The following PTPRN2 variants were observed in gnomAD, a reference collection of about 807,000 sequenced individuals.
The protein encoded by PTPRN2 is protein tyrosine phosphatase receptor type N2, also known as receptor-type tyrosine-protein phosphatase N2.
Under a neutral mutation model 118.8 loss-of-function variants are expected in PTPRN2, and 74 were observed. The ratio of observed to expected loss-of-function variants is 0.62; its 90% CI spans 0.52 to 0.76. The LOEUF (loss-of-function observed/expected upper bound fraction) is 0.76. Among genes scored for constraint, PTPRN2 ranks in the 30% least tolerant of loss-of-function variants. PTPRN2 has a pLI of 0.00. For synonymous variants in PTPRN2, 641 were observed against 608.0 expected (o/e 1.05, Z -0.80); for missense variants, 1,481 against 1,394.4 (o/e 1.06, Z -0.99).
At position 158,546,504 on chromosome 7, in the gene PTPRN2, G is replaced by A. The variant is rs1290601643; in HGVS notation, c.112+41054C>T. Among the ~76,000 whole-genome samples the A allele has an allele frequency of 6.6e-6, 1 of 152,346 alleles. No individual in the cohort carries two copies. On this transcript the variant is annotated intron_variant, in intron 1 of 22. Transcript: ENST00000389418. This position sits in a 1 kb window ranked among gnomAD's most constrained non-coding sequence, Gnocchi z 5.0. ...GTGTCCCAGGCGCCATGATGTCTAA[G>A]TGACTATAGGGCCATGAAGAAGGGG...
intron 3 of PTPRN2, among the ~76,000 whole-genome samples, chr7:158,231,566 T>C (rs1482656733): frequency 2.0e-5 from 3 of 152,134 alleles, no homozygotes; most frequent in Non-Finnish European, 2.9e-5. Flanking sequence ...GACAGATCAT[T>C]CAGGCAAGAA....
chr7:157,800,412 C>T (rs35428978), intron 12 of PTPRN2, among the ~76,000 whole-genome samples: 19,689 of 152,238 alleles, frequency 0.13, 1,377 homozygotes, highest in Admixed American at 0.15. Context: ...CGTGCTTCCC[C>T]GCTGCGCTCC....
At chr7:157,772,132 G>A (rs1320069304) in intron 12 of PTPRN2, among the ~76,000 whole-genome samples, 1 of 135,564 alleles carries the variant, frequency 7.4e-6, no homozygotes, top group African/African-American at 2.9e-5. Context: ...CACATACACA[G>A]ACAGACACAC....
intron 3 of PTPRN2, among the ~76,000 whole-genome samples, chr7:158,234,969 G>A (rs1424533552): frequency 6.6e-6 from 1 of 152,080 alleles, no homozygotes; most frequent in Non-Finnish European, 1.5e-5. Context: ...TCACCATGTT[G>A]GCCAGGCTGG....
intron 11 of PTPRN2, among the ~76,000 whole-genome samples, chr7:157,905,285 GA>G (rs1340573364): frequency 6.6e-6 from 1 of 152,184 alleles, no homozygotes; most frequent in African/African-American, 2.4e-5. Context: ...AGGAAAAGAA[GA>G]AAAAGCCTGC....
chr7:158,324,595 G>A (rs1803332557), intron 2 of PTPRN2, among the ~76,000 whole-genome samples: 1 of 151,724 alleles, frequency 6.6e-6, no homozygotes, highest in Non-Finnish European at 1.5e-5. Context: ...CTGTCTCTCT[G>A]CTTGGGCTCA....
chr7:158,141,246 A>G (rs1326722974), intron 6 of PTPRN2, among the ~76,000 whole-genome samples: 1 of 152,240 alleles, frequency 6.6e-6, no homozygotes, highest in Non-Finnish European at 1.5e-5. Flanking sequence ...TAGGCATTTT[A>G]GGTTTTTTGT....
intron 6 of PTPRN2, among the ~76,000 whole-genome samples, chr7:158,146,153 A>G (rs1819962297): frequency 6.6e-6 from 1 of 152,166 alleles, no homozygotes; most frequent in South Asian, 2.1e-4. Flanking sequence ...GTGAGAAGTG[A>G]GGAACACAGT....
At chr7:158,214,277 G>A (rs1009438010) in intron 3 of PTPRN2, among the ~76,000 whole-genome samples, 1 of 151,900 alleles carries the variant, frequency 6.6e-6, no homozygotes, top group Non-Finnish European at 1.5e-5. Context: ...AGACTCTGAA[G>A]GATGGCAATA....
At chr7:158,548,298 C>T in intron 1 of PTPRN2, among the ~76,000 whole-genome samples, 1 of 152,238 alleles carries the variant, frequency 6.6e-6, no homozygotes, top group Admixed American at 6.5e-5. Flanking sequence ...CAGCCGGCCC[C>T]GATTGTCTTT....
At chr7:158,071,538 A>G (rs1375143255) in intron 11 of PTPRN2, among the ~76,000 whole-genome samples, 133 of 50,482 alleles carry the variant, frequency 2.6e-3, no homozygotes, top group Non-Finnish European at 2.9e-3. Context: ...GCTCGTGATG[A>G]TGGAGGTGCT....
At chr7:157,776,522 C>CT (rs1803280894) in intron 12 of PTPRN2, among the ~76,000 whole-genome samples, 1 of 42,432 alleles carries the variant, frequency 2.4e-5, no homozygotes, top group Non-Finnish European at 4.9e-5. Context: ...TCTCCTTCTC[C>CT]CTCTCCTCTC....
intron 12 of PTPRN2, among the ~76,000 whole-genome samples, chr7:157,753,525 C>T (rs150083198): frequency 1.7e-4 from 26 of 152,328 alleles, no homozygotes; most frequent in Non-Finnish European, 2.6e-4. Flanking sequence ...TAGTGGCCTC[C>T]GTCTGGGCCG....
intron 12 of PTPRN2, among the ~76,000 whole-genome samples, chr7:157,841,338 G>C (rs966321052): frequency 6.6e-6 from 1 of 152,206 alleles, no homozygotes; most frequent in South Asian, 2.1e-4. Context: ...CTAAAGTGCA[G>C]AGCCCCACAT....
At chr7:157,753,105 G>T (rs1801577873) in intron 12 of PTPRN2, among the ~76,000 whole-genome samples, 2 of 152,230 alleles carry the variant, frequency 1.3e-5, no homozygotes, top group South Asian at 4.1e-4. Flanking sequence ...AGGCCTGCGT[G>T]CAGGGGGCAA....
chr7:157,795,879 C>T (rs1351228949), intron 12 of PTPRN2, among the ~76,000 whole-genome samples: 1 of 152,206 alleles, frequency 6.6e-6, no homozygotes, highest in Non-Finnish European at 1.5e-5. Context: ...GGAGGGAGCC[C>T]ATGAAGCAGA....
At position 157,585,513 on chromosome 7, in the gene PTPRN2, G is replaced by A. The variant is rs938501735; in HGVS notation, c.2497-7373C>T. ...GACTTCCTCTCCACCCGGCCTTTGT[G>A]TGACCACCGTGGGTGCCTTTGTGAT... On this transcript the variant is annotated intron_variant, in intron 17 of 22. Coordinates refer to ENST00000389418, the MANE Select transcript of PTPRN2 (RefSeq NM_002847.5). This position sits in a 1 kb window ranked among gnomAD's most constrained non-coding sequence, Gnocchi z 5.2. 8.5e-5 allele frequency among the ~76,000 whole-genome samples: 13 copies of A among 152,314 alleles called. No individual in the cohort carries two copies. Among genetic ancestry groups the A allele is most frequent in the African/African-American group, 2.4e-4 (10 of 41,564 alleles).
chr7:157,749,025 G>A (rs1801248124), intron 12 of PTPRN2, among the ~76,000 whole-genome samples: 1 of 99,424 alleles, frequency 1.0e-5, no homozygotes, highest in Non-Finnish European at 2.0e-5. Context: ...CCTGAGCTGT[G>A]GGCTGTTGAG....
intron 12 of PTPRN2, among the ~76,000 whole-genome samples, chr7:157,824,661 G>C (rs1807057964): frequency 6.6e-6 from 1 of 152,220 alleles, no homozygotes; most frequent in Non-Finnish European, 1.5e-5. Flanking sequence ...TCGACAGGAA[G>C]TTCTAGAGGA....
Sources: gnomAD v4.1 joint callset for allele counts (sites outside exome capture counted in the v4.1 genomes callset) on GRCh38, gnomAD v4.1.1 for gene constraint, Gnocchi (gnomAD v3.1) non-coding constraint, MANE v1.5 for transcripts, NCBI Gene and HGNC (gene_info 2026-07-23, HGNC 2026-07-21) for gene names.